CLSTN1: variants seen among roughly 807,000 people sequenced by gnomAD.
The protein encoded by CLSTN1 is calsyntenin 1.
A neutral mutation model predicts 108.3 loss-of-function variants in CLSTN1; 28 were observed. The observed-to-expected ratio is 0.26, with a 90% CI of 0.19 to 0.35. The LOEUF is 0.35. Ranked by LOEUF, CLSTN1 falls within the 10% of genes least tolerant of loss-of-function variation. CLSTN1 has a pLI of 1.00. For missense variants in CLSTN1, 1,157 were observed against 1,302.6 expected (o/e 0.89, Z 1.72); for synonymous variants, 524 against 534.9 (o/e 0.98, Z 0.28).
rs1450533668 is a variant in CLSTN1, at chr1:9,781,270, C to G, written c.92-7876G>C. On this transcript the variant is annotated intron_variant, in intron 1 of 18. Transcript: ENST00000377298. Reference sequence around the variant, plus strand: ...CTGGGGAAATTCTGATGAGATATGTCAAGCTCTGCAAGAGGATTTAAAGAT... The same window carrying G: ...CTGGGGAAATTCTGATGAGATATGTGAAGCTCTGCAAGAGGATTTAAAGAT... 4 of 727,348 alleles carry G rather than the reference C, an allele frequency of 5.5e-6. No individual in the cohort carries two copies. The East Asian group carries it at 1.0e-4, about 19-fold the overall frequency. 45.1% of individuals were successfully genotyped at this position (727,348 alleles called of 1,614,324 possible).
intron 1 of CLSTN1, among the ~76,000 whole-genome samples, chr1:9,788,540 C>A (rs1322835904): frequency 6.8e-6 from 1 of 147,750 alleles, no homozygotes; most frequent in Non-Finnish European, 1.5e-5. Flanking sequence ...TGTACTCCAG[C>A]CTGGGTGACA....
At chr1:9,763,731 T>A (rs1652192697) in intron 2 of CLSTN1, among the ~76,000 whole-genome samples, 1 of 152,176 alleles carries the variant, frequency 6.6e-6, no homozygotes, top group South Asian at 2.1e-4. Context: ...TTCAATCCTG[T>A]GCTCCTCTAT....
At chr1:9,762,702 G>A (rs940654387) in intron 2 of CLSTN1, among the ~76,000 whole-genome samples, 26 of 146,676 alleles carry the variant, frequency 1.8e-4, no homozygotes, top group African/African-American at 5.1e-4. Flanking sequence ...ACTTCTCCCC[G>A]CTGCACTCGG....
intron 11 of CLSTN1, among the ~76,000 whole-genome samples, chr1:9,736,966 G>A (rs555115761): frequency 1.4e-4 from 22 of 152,180 alleles, no homozygotes; most frequent in African/African-American, 5.1e-4. Context: ...CCAGCTACTT[G>A]GGAGGCTGAA....
At chr1:9,739,814 ATTTTTT>A (rs35078301) in intron 10 of CLSTN1, among the ~76,000 whole-genome samples, 2 of 122,840 alleles carry the variant, frequency 1.6e-5, no homozygotes, top group South Asian at 5.3e-4. Flanking sequence ...GCAATAGGGC[ATTTTTT>A]TTTTTTTTTT....
intron 7 of CLSTN1, among the ~76,000 whole-genome samples, chr1:9,747,176 CAAAA>C (rs70998306): frequency 2.1e-4 from 7 of 32,724 alleles, no homozygotes; most frequent in Admixed American, 1.4e-3. Context: ...GAGACTGTCT[CAAAA>C]AAAAAAAAAA....
intron 1 of CLSTN1, among the ~76,000 whole-genome samples, chr1:9,801,200 G>A (rs1005583911): frequency 3.3e-5 from 5 of 152,224 alleles, no homozygotes; most frequent in East Asian, 1.9e-4. Context: ...AGCTGAGATC[G>A]TGCCATTGCA....
intron 1 of CLSTN1, among the ~76,000 whole-genome samples, chr1:9,821,803 A>T (rs1655200823): frequency 6.6e-6 from 1 of 152,256 alleles, no homozygotes; most frequent in African/African-American, 2.4e-5. Flanking sequence ...GCATACGAAT[A>T]ACTGATGTGT....
At chr1:9,733,326 G>A in intron 16 of CLSTN1, 75 bp downstream of exon 16, 1 of 1,571,776 alleles carries the variant, frequency 6.4e-7, no homozygotes. Context: ...TGGCGTTTGT[G>A]AATATTAGGG....
At chr1:9,818,191 G>T (rs1655051346) in intron 1 of CLSTN1, among the ~76,000 whole-genome samples, 1 of 151,218 alleles carries the variant, frequency 6.6e-6, no homozygotes, top group Admixed American at 6.6e-5. Flanking sequence ...TGTATTTTTA[G>T]TAGAGATGGG....
chr1:9,814,395 A>C (rs1654889922), intron 1 of CLSTN1, among the ~76,000 whole-genome samples: 1 of 151,836 alleles, frequency 6.6e-6, no homozygotes. Flanking sequence ...GCTTGAATAA[A>C]AATTTCTTTG....
chr1:9,804,361 CAAAAAAAAAAA>C (rs35632390), intron 1 of CLSTN1, among the ~76,000 whole-genome samples: 1 of 65,124 alleles, frequency 1.5e-5, no homozygotes, highest in African/African-American at 4.9e-5. Context: ...GACTCCATCT[CAAAAAAAAAAA>C]AAAAAAAAAG....
intron 1 of CLSTN1, among the ~76,000 whole-genome samples, chr1:9,815,979 C>T (rs1654952569): frequency 6.6e-6 from 1 of 151,988 alleles, no homozygotes; most frequent in African/African-American, 2.4e-5. Context: ...CTAAGAGTTA[C>T]CCTAAGACCC....
chr1:9,770,394 T>C (rs1297904505), intron 2 of CLSTN1, among the ~76,000 whole-genome samples: 2 of 152,226 alleles, frequency 1.3e-5, no homozygotes, highest in Non-Finnish European at 2.9e-5. Context: ...GATAAGACTT[T>C]TTCTTTCAAA....
intron 1 of CLSTN1, among the ~76,000 whole-genome samples, chr1:9,797,090 T>A (rs1048937313): frequency 1.3e-5 from 2 of 152,144 alleles, no homozygotes; most frequent in Admixed American, 6.5e-5. Flanking sequence ...GCTGAGACAC[T>A]TAGACAAGGG....
chr1:9,775,432 C>T (rs72855712), intron 1 of CLSTN1, among the ~76,000 whole-genome samples: 2,766 of 151,952 alleles, frequency 0.018, 79 homozygotes, highest in African/African-American at 0.063. Context: ...CTTTTCTGGC[C>T]GCTGCTGACC....
chr1:9,782,095 C>A (rs1653278375), intron 1 of CLSTN1, among the ~76,000 whole-genome samples: 2 of 152,178 alleles, frequency 1.3e-5, no homozygotes, highest in Non-Finnish European at 2.9e-5. Flanking sequence ...TTCTTGCAAT[C>A]TGATCTTTAA....
intron 2 of CLSTN1, 108 bp downstream of exon 2, chr1:9,773,164 A>AT: frequency 6.9e-7 from 1 of 1,446,320 alleles, no homozygotes; most frequent in Non-Finnish European, 9.5e-7. Flanking sequence ...AATAACCCTC[A>AT]GCTATGGAGA....
At chr1:9,800,317 T>C (rs1654202593) in intron 1 of CLSTN1, among the ~76,000 whole-genome samples, 1 of 151,158 alleles carries the variant, frequency 6.6e-6, no homozygotes. Context: ...TCAATAAAAC[T>C]GATAAGCCTC....
Sources: gnomAD v4.1 joint callset for allele counts (sites outside exome capture counted in the v4.1 genomes callset) on GRCh38, gnomAD v4.1.1 for gene constraint, MANE v1.5 for transcripts, NCBI Gene and HGNC (gene_info 2026-07-23, HGNC 2026-07-21) for gene names.